The following CFAP47 variants were observed in gnomAD, a reference collection of about 807,000 sequenced individuals.
CFAP47 encodes the protein cilia and flagella associated protein 47.
CFAP47 carries 29 observed loss-of-function variants against 148.1 expected under a neutral mutation model. That is an observed-to-expected ratio of 0.20 (90% CI 0.15 to 0.27). The LOEUF is 0.27. CFAP47 is among the 10% of genes least tolerant of loss of function. CFAP47 has a pLI of 1.00. For missense variants in CFAP47, 1,872 were observed against 1,697.5 expected, an observed-to-expected ratio of 1.10 and a Z score of -1.81; for synonymous variants, 664 against 577.3, an observed-to-expected ratio of 1.15 and a Z score of -2.15.
intron 56 of CFAP47, among the ~76,000 whole-genome samples, chrX:36,312,165 G>T (rs782326452): frequency 1.9e-4 from 21 of 110,732 alleles, no homozygotes; most frequent in African/African-American, 4.3e-4. Context: ...GTCTAGGAGG[G>T]TTGGGATCAG....
chrX:36,091,410 T>C (rs965438386), intron 30 of CFAP47, among the ~76,000 whole-genome samples: 1 of 111,416 alleles, frequency 9.0e-6, no homozygotes, highest in Non-Finnish European at 1.9e-5. Context: ...CTGAGTTGTA[T>C]GTTTTGTTTT....
rs1479968683 is a variant in CFAP47, at chrX:36,026,019, CTTTATTAGACAT to C, written c.3557-5230_3557-5219del. The stretch of plus-strand genomic sequence containing the variant: ...CTAGAGGGTTGATAAATATGTAATA[CTTTATTAGACAT>C]TTTGTACTTCCAAAAAGTACATATG... On this transcript the variant is annotated intron_variant, in intron 22 of 63. Transcript: ENST00000378653. 3.6e-5 allele frequency among the ~76,000 whole-genome samples: 4 copies of C among 111,549 alleles called. No homozygotes were observed. In the Admixed American group the frequency reaches 3.8e-4, roughly 11 times the overall value.
chrX:36,292,170 A>G (rs781971166), intron 51 of CFAP47, among the ~76,000 whole-genome samples: 4 of 110,896 alleles, frequency 3.6e-5, no homozygotes, highest in African/African-American at 6.6e-5. Context: ...CATTCTATAC[A>G]TTTCAAGTCA....
chrX:36,211,735 A>G (rs1236122968), intron 45 of CFAP47: 7 of 206,811 alleles, frequency 3.4e-5, no homozygotes, highest in African/African-American at 1.8e-4. Flanking sequence ...ATGATGATGG[A>G]TAAGTTGCTT....
chrX:36,374,292 T>C (rs947663980), intron 62 of CFAP47, among the ~76,000 whole-genome samples: 1 of 110,948 alleles, frequency 9.0e-6, no homozygotes, highest in Non-Finnish European at 1.9e-5. Context: ...TCTAGAAATA[T>C]ATACATTTCC....
chrX:36,161,731 A>G (rs922209623), intron 39 of CFAP47, among the ~76,000 whole-genome samples: 16 of 111,876 alleles, frequency 1.4e-4, no homozygotes, highest in Non-Finnish European at 5.6e-5. Flanking sequence ...TATGCTTATT[A>G]TTTTACTATT....
intron 26 of CFAP47, among the ~76,000 whole-genome samples, chrX:36,050,842 G>A (rs1001196406): frequency 2.2e-4 from 25 of 111,918 alleles, no homozygotes; most frequent in Non-Finnish European, 4.3e-4. Context: ...CCAGGTCCAG[G>A]GTACCCCTGC....
At chrX:36,238,728 C>T (rs1250285208) in intron 48 of CFAP47, among the ~76,000 whole-genome samples, 9 of 111,694 alleles carry the variant, frequency 8.1e-5, no homozygotes, top group African/African-American at 2.6e-4. Flanking sequence ...TCCGTTTATT[C>T]CTCTAACCTT....
chrX:36,344,635 T>C (rs1941682418), intron 57 of CFAP47, among the ~76,000 whole-genome samples: 1 of 112,099 alleles, frequency 8.9e-6, no homozygotes, highest in Admixed American at 9.5e-5. Context: ...TGAGCTACTC[T>C]TTTTTTATCT....
At chrX:36,036,783 GC>G (rs1363843279) in intron 24 of CFAP47, among the ~76,000 whole-genome samples, 1 of 111,517 alleles carries the variant, frequency 9.0e-6, no homozygotes, top group Non-Finnish European at 1.9e-5. Context: ...ATCTATTATA[GC>G]TTTAAAGCTT....
Position 36,334,438 on chromosome X carries a change from A to G in CFAP47, c.8444-13691A>G, listed in dbSNP as rs1410556901. The stretch of plus-strand genomic sequence containing the variant: ...CTTCATAAATGTTTTTGTCTTCTAA[A>G]TTATTCTAATTTTTATATAAAGTTA... On this transcript the variant is annotated intron_variant, in intron 57 of 63. Coordinates refer to ENST00000378653, the MANE Select transcript of CFAP47 (RefSeq NM_001304548.2). 2.7e-5 allele frequency among the ~76,000 whole-genome samples: 3 copies of G among 111,287 alleles called. No homozygotes were observed. The East Asian group carries it at 8.4e-4, about 31-fold the overall frequency.
chrX:36,316,352 A>G (rs782368216), intron 56 of CFAP47, among the ~76,000 whole-genome samples: 74 of 112,424 alleles, frequency 6.6e-4, no homozygotes, highest in African/African-American at 2.1e-3. Flanking sequence ...TTGTGATGTC[A>G]TTTACCCATA....
At chrX:35,949,163 G>GTGTGTGTA (rs1269556424) in intron 4 of CFAP47, among the ~76,000 whole-genome samples, 1 of 109,577 alleles carries the variant, frequency 9.1e-6, no homozygotes, top group African/African-American at 3.4e-5. Context: ...GTGTGTGTGT[G>GTGTGTGTA]TGTGTGTGTG....
At chrX:35,952,909 A>G (rs975516736) in intron 6 of CFAP47, among the ~76,000 whole-genome samples, 22 of 112,175 alleles carry the variant, frequency 2.0e-4, no homozygotes, top group Non-Finnish European at 1.1e-4. Context: ...TGTTCTGACC[A>G]CACTATTTGT....
intron 63 of CFAP47, 85 bp from the exon 64 acceptor site, chrX:36,384,712 A>T: frequency 1.5e-6 from 1 of 645,400 alleles, no homozygotes; most frequent in African/African-American, 2.2e-5. Context: ...GGAGAACAGA[A>T]GATGTTAATT....
At chrX:36,008,470 T>C (rs1390401433) in intron 21 of CFAP47, among the ~76,000 whole-genome samples, 1 of 110,706 alleles carries the variant, frequency 9.0e-6, no homozygotes, top group Non-Finnish European at 1.9e-5. Context: ...TCCTTATCTG[T>C]TAAAAATGCC....
At chrX:36,149,337 T>G in intron 37 of CFAP47, 114 bp downstream of exon 37, 1 of 270,680 alleles carries the variant, frequency 3.7e-6, no homozygotes, top group Non-Finnish European at 6.5e-6. Context: ...ATGAAACGAT[T>G]GTCACTCACA....
chrX:36,232,449 T>C lies in CFAP47; in HGVS notation c.7015-3485T>C, dbSNP rs782183955. On this transcript the variant is annotated intron_variant, in intron 46 of 63. Coordinates refer to ENST00000378653, the MANE Select transcript of CFAP47 (RefSeq NM_001304548.2). Reference sequence around the variant, plus strand: ...ATGGTAGTTTGTATTTCTGTGGGATTGGTGGTGATATCCCCTTTATCATTT... The same window carrying C: ...ATGGTAGTTTGTATTTCTGTGGGATCGGTGGTGATATCCCCTTTATCATTT... Among the ~76,000 whole-genome samples the C allele has an allele frequency of 3.3e-3, 368 of 111,667 alleles. 2 individuals are homozygous for C. Among genetic ancestry groups the C allele is most frequent in the Non-Finnish European group, 6.1e-3 (323 of 52,964 alleles).
intron 51 of CFAP47, among the ~76,000 whole-genome samples, chrX:36,288,318 A>G (rs868996398): frequency 8.9e-6 from 1 of 112,242 alleles, no homozygotes; most frequent in African/African-American, 3.2e-5. Flanking sequence ...TGGAAATTTT[A>G]ACATGTAATA....
Sources: gnomAD v4.1 joint callset for allele counts (sites outside exome capture counted in the v4.1 genomes callset) on GRCh38, gnomAD v4.1.1 for gene constraint, MANE v1.5 for transcripts, NCBI Gene and HGNC (gene_info 2026-07-23, HGNC 2026-07-21) for gene names.